PPARGC1B: variants seen among roughly 807,000 people sequenced by gnomAD.
PPARGC1B encodes the protein peroxisome proliferator-activated receptor gamma coactivator 1-beta.
PPARGC1B carries 34 observed loss-of-function variants against 101.6 expected under a neutral mutation model. The ratio of observed to expected loss-of-function variants is 0.33; its 90% confidence interval spans 0.25 to 0.45. The LOEUF (loss-of-function observed/expected upper bound fraction) is 0.45. PPARGC1B is among the 20% of genes least tolerant of loss of function. The pLI is 1.00. For missense variants in PPARGC1B, 1,234 were observed against 1,317.6 expected, an observed-to-expected ratio of 0.94 and a Z score of 0.98; for synonymous variants, 548 against 539.3, an observed-to-expected ratio of 1.02 and a Z score of -0.22.
intron 1 of PPARGC1B, among the ~76,000 whole-genome samples, chr5:149,731,738 A>G (rs1430840290): frequency 1.3e-5 from 2 of 151,790 alleles, no homozygotes; most frequent in African/African-American, 4.8e-5. Flanking sequence ...TTGCAAGCTG[A>G]CTCCTTGCGG....
chr5:149,843,273 A>G (rs1257997907), intron 10 of PPARGC1B, among the ~76,000 whole-genome samples: 10 of 152,208 alleles, frequency 6.6e-5, no homozygotes, highest in Non-Finnish European at 1.2e-4. Context: ...CAGGTTTCAT[A>G]TGAATGCACA....
intron 1 of PPARGC1B, among the ~76,000 whole-genome samples, chr5:149,808,917 G>T (rs1258668382): frequency 1.3e-5 from 2 of 152,126 alleles, no homozygotes; most frequent in Non-Finnish European, 2.9e-5. Flanking sequence ...TTCTGGAGAT[G>T]GATGGTGGTG....
downstream of PPARGC1B, among the ~76,000 whole-genome samples, chr5:149,857,794 G>A (rs73267780): frequency 0.015 from 2,209 of 152,304 alleles, 51 homozygotes; most frequent in African/African-American, 0.05. Context: ...GCCCAGCCCC[G>A]TCTTCTCACT....
At chr5:149,814,873 A>C (rs143019029) in intron 1 of PPARGC1B, among the ~76,000 whole-genome samples, 12 of 152,316 alleles carry the variant, frequency 7.9e-5, no homozygotes, top group African/African-American at 2.9e-4. Context: ...AGGGGGGCCC[A>C]CGGCAGGGGG....
chr5:149,749,922 T>C (rs1581009666), intron 1 of PPARGC1B, among the ~76,000 whole-genome samples: 1 of 152,116 alleles, frequency 6.6e-6, no homozygotes, highest in Admixed American at 6.6e-5. Context: ...AGGTACTGGA[T>C]AGAGAGGGAG....
chr5:149,747,889 G>A (rs775252767), intron 1 of PPARGC1B, among the ~76,000 whole-genome samples: 2 of 152,176 alleles, frequency 1.3e-5, no homozygotes, highest in Admixed American at 6.5e-5. Context: ...TTTGCCAGAG[G>A]CCCATCTCCT....
chr5:149,855,928 C>A (rs1035142645), downstream of PPARGC1B, among the ~76,000 whole-genome samples: 1 of 151,940 alleles, frequency 6.6e-6, no homozygotes, highest in Non-Finnish European at 1.5e-5. Flanking sequence ...ACTAGCCTGG[C>A]CAACGTGGTG....
At chr5:149,798,932 G>A (rs764961147) in intron 1 of PPARGC1B, among the ~76,000 whole-genome samples, 1 of 152,150 alleles carries the variant, frequency 6.6e-6, no homozygotes, top group Non-Finnish European at 1.5e-5. Context: ...AGCTCTCAGA[G>A]GTCCCTAGCC....
chr5:149,820,589 G>A lies in PPARGC1B; in HGVS notation c.235G>A (p.Asp79Asn). 1.2e-6 allele frequency: 2 copies of A among 1,612,284 alleles called. No homozygotes were observed. Among genetic ancestry groups the A allele is most frequent in the Non-Finnish European group, 1.7e-6 (2 of 1,179,922 alleles). Residue 79 changes from aspartate to asparagine, a missense_variant, in exon 2 of 12, where the codon GAC becomes AAC. Transcript: ENST00000309241. ...ETEPNQYSPD[D>N]SELFQIDSEN... ...TGAACCCAACCAGTACAGCCCCGAT[G>A]ACTCCGAGCTCTTCCAGGTATGCCC...
In PPARGC1B at chr5:149,837,086, G is replaced by A. The variant is rs765303530; in HGVS notation, c.2618+13G>A. Reference sequence around the variant, plus strand: ...GAAGGAACTTCAGGTATGAACAGGGGGCTGCAGGAGAGGCAGCGGGCAGTG... The same window carrying A: ...GAAGGAACTTCAGGTATGAACAGGGAGCTGCAGGAGAGGCAGCGGGCAGTG... On this transcript the variant is annotated intron_variant, in intron 8 of 11. Transcript: ENST00000309241. The surrounding 1 kb of genome is among the most constrained non-coding windows in gnomAD (Gnocchi z 4.2). 6.3e-7 allele frequency: 1 copy of A among 1,590,004 alleles called. No homozygotes were observed. The highest frequency in any genetic ancestry group is 2.3e-5 in the East Asian group (1 of 44,418).
At chr5:149,775,633 A>G (rs767471185) in intron 1 of PPARGC1B, among the ~76,000 whole-genome samples, 51 of 152,280 alleles carry the variant, frequency 3.3e-4, no homozygotes, top group Non-Finnish European at 6.8e-4. Flanking sequence ...CTTGAGATAA[A>G]CATTTTCTGA....
In PPARGC1B at chr5:149,765,194, C is replaced by T. The variant is rs142578252; in HGVS notation, c.78+34774C>T. ...ACTTGGGTCAGCTTGTTAAAGGAGG[C>T]GAGAAGGCAGGGGAGGGAATATGCC... On this transcript the variant is annotated intron_variant, in intron 1 of 11. Transcript: ENST00000309241. Among the ~76,000 whole-genome samples, 52 of 152,334 alleles carry T rather than the reference C, an allele frequency of 3.4e-4. No homozygotes were observed. The East Asian group carries it at 9.1e-3, about 27-fold the overall frequency.
intron 1 of PPARGC1B, among the ~76,000 whole-genome samples, chr5:149,800,968 A>G (rs1048510964): frequency 1.3e-5 from 2 of 152,180 alleles, no homozygotes; most frequent in Non-Finnish European, 2.9e-5. Context: ...CAGATCTAGA[A>G]ACGTTTGGAT....
At chr5:149,750,290 T>A (rs1755238335) in intron 1 of PPARGC1B, among the ~76,000 whole-genome samples, 1 of 144,646 alleles carries the variant, frequency 6.9e-6, no homozygotes, top group Non-Finnish European at 1.5e-5. Context: ...TCAGGCCAGA[T>A]TTTTTTTTTT....
chr5:149,855,695 T>A (rs1207104165), downstream of PPARGC1B, among the ~76,000 whole-genome samples: 1 of 152,246 alleles, frequency 6.6e-6, no homozygotes, highest in East Asian at 1.9e-4. Context: ...GTGTGTTATT[T>A]CCTCACGTCT....
At position 149,832,343 on chromosome 5, in the gene PPARGC1B, T is replaced by G. The variant is rs1030432332; in HGVS notation, c.583-313T>G. On this transcript the variant is annotated intron_variant, in intron 4 of 11. Coordinates refer to ENST00000309241, the MANE Select transcript of PPARGC1B (RefSeq NM_133263.4). The surrounding 1 kb of genome is among the most constrained non-coding windows in gnomAD (Gnocchi z 4.9). ...CTACCATGAACCTACTGCCCGGCTCTTGGCTGAGGGGTACGGAGCAGGGAG... is the reference window on the plus strand; with the variant it reads ...CTACCATGAACCTACTGCCCGGCTCGTGGCTGAGGGGTACGGAGCAGGGAG... Among the ~76,000 whole-genome samples, 1 of 152,100 alleles carries G rather than the reference T, an allele frequency of 6.6e-6. No individual in the cohort carries two copies. Among genetic ancestry groups the G allele is most frequent in the African/African-American group, 2.4e-5 (1 of 41,412 alleles).
chr5:149,847,722 A>C lies in PPARGC1B; in HGVS notation c.*164A>C. 4 of 595,164 alleles carry C rather than the reference A, an allele frequency of 6.7e-6. No homozygotes were observed. Among genetic ancestry groups the C allele is most frequent in the Non-Finnish European group, 1.2e-5 (4 of 334,992 alleles). The allele number at this position is 595,164 out of a possible 1,614,324, so 36.9% of individuals were successfully genotyped here. A position where few individuals can be genotyped will look rare whatever the true frequency, so the allele number is the denominator to read the frequency against. On this transcript the variant is annotated 3_prime_UTR_variant, in exon 12 of 12. Transcript: ENST00000309241. ...TGTCCTTTAAAAAAAAAAAAAATCA[A>C]TGTTTACATTGAACAAAGCTGCTTC...
chr5:149,772,212 C>T (rs752567834), intron 1 of PPARGC1B: 32 of 1,593,726 alleles, frequency 2.0e-5, no homozygotes, highest in Admixed American at 5.3e-5. Flanking sequence ...GTTGGGTTGA[C>T]GATTGTGACA....
intron 1 of PPARGC1B, among the ~76,000 whole-genome samples, chr5:149,765,620 A>C (rs1248431227): frequency 6.6e-6 from 1 of 152,086 alleles, no homozygotes; most frequent in Non-Finnish European, 1.5e-5. Context: ...GCACTTTGGG[A>C]GGCCGAGGCG....
Sources: allele counts gnomAD v4.1 joint callset (sites outside exome capture counted in the v4.1 genomes callset), GRCh38; gene constraint gnomAD v4.1.1; non-coding constraint Gnocchi (gnomAD v3.1); transcripts MANE v1.5; gene names NCBI Gene and HGNC (gene_info 2026-07-23, HGNC 2026-07-21).